Variants in GRHL2 observed in about 807,000 individuals in gnomAD.
GRHL2 encodes grainyhead-like protein 2 homolog.
Under a neutral mutation model 83.8 loss-of-function variants are expected in GRHL2, and 21 were observed. The ratio of observed to expected loss-of-function variants is 0.25; its 90% CI spans 0.18 to 0.36. The LOEUF is 0.36. GRHL2 is among the 10% of genes least tolerant of loss of function. GRHL2 has a pLI of 1.00. For missense variants in GRHL2, 623 were observed against 781.8 expected (o/e 0.80, Z 2.42); for synonymous variants, 280 against 278.9 (o/e 1.00, Z -0.04).
chr8:101,661,611 T>C (rs1813924259), intron 14 of GRHL2, among the ~76,000 whole-genome samples: 1 of 152,232 alleles, frequency 6.6e-6, no homozygotes, highest in African/African-American at 2.4e-5. Flanking sequence ...CATTGTACTT[T>C]TATTTTTCAT....
rs2129937271 is a variant in GRHL2, at chr8:101,492,748, G to C, written c.-22G>C. 6.2e-7 allele frequency: 1 copy of C among 1,613,008 alleles called. No individual in the cohort carries two copies. Among genetic ancestry groups the C allele is most frequent in the East Asian group, 2.2e-5 (1 of 44,870 alleles). ...AGAGGCTGAGGCTCCAGGAAAAGCG[G>C]AGCAAGTTCATTGGATCAAACATGT... On this transcript the variant is annotated 5_prime_UTR_variant, in exon 1 of 16. Coordinates refer to ENST00000646743, the MANE Select transcript of GRHL2 (RefSeq NM_024915.4).
intron 6 of GRHL2, among the ~76,000 whole-genome samples, chr8:101,574,187 G>T (rs900212062): frequency 1.3e-5 from 2 of 152,192 alleles, no homozygotes; most frequent in Admixed American, 6.5e-5. Context: ...AAAGAGCTTT[G>T]TTCTATTCTG....
intron 11 of GRHL2, among the ~76,000 whole-genome samples, chr8:101,634,421 G>A (rs1813246122): frequency 6.6e-6 from 1 of 152,174 alleles, no homozygotes; most frequent in Admixed American, 6.5e-5. Context: ...TCCAAAGACA[G>A]GAGGGAAGAG....
At chr8:101,664,647 C>T in intron 15 of GRHL2, 129 bp downstream of exon 15, 2 of 691,782 alleles carry the variant, frequency 2.9e-6, no homozygotes, top group Non-Finnish European at 5.2e-6. Context: ...GTCCTTCTTC[C>T]AGAGAATTGC....
intron 8 of GRHL2, 81 bp from the exon 9 acceptor site, chr8:101,619,458 G>T: frequency 7.8e-6 from 10 of 1,277,330 alleles, no homozygotes; most frequent in Non-Finnish European, 4.5e-6. Flanking sequence ...TTAGTATTTT[G>T]ACTTAAAGTC....
rs184397441 is a variant in GRHL2 at position 101,614,070 on chromosome 8, A to G, written c.1099-5469A>G. Among the ~76,000 whole-genome samples, 184 of 151,196 alleles carry G rather than the reference A, an allele frequency of 1.2e-3. 1 individual carries two copies. Among genetic ancestry groups the G allele is most frequent in the East Asian group, 2.9e-3 (15 of 5,190 alleles). On this transcript the variant is annotated intron_variant, in intron 8 of 15. Coordinates refer to ENST00000646743, the MANE Select transcript of GRHL2 (RefSeq NM_024915.4). The stretch of plus-strand genomic sequence containing the variant: ...TCAGAAAAAGCTTTAGGAGTTAATA[A>G]TCAAGTTAATGTAGCAATTCTAAAG...
chr8:101,658,717 A>G (rs957160313), intron 14 of GRHL2, among the ~76,000 whole-genome samples: 1 of 152,234 alleles, frequency 6.6e-6, no homozygotes, highest in African/African-American at 2.4e-5. Flanking sequence ...AACAGGGGGA[A>G]CTAACAGATA....
At chr8:101,594,183 T>TCA (rs1423825202) in intron 7 of GRHL2, among the ~76,000 whole-genome samples, 3 of 144,982 alleles carry the variant, frequency 2.1e-5, no homozygotes, top group Non-Finnish European at 1.5e-5. Context: ...GAGATCGGAG[T>TCA]CACACACCGC....
intron 1 of GRHL2, among the ~76,000 whole-genome samples, chr8:101,532,432 C>A (rs1810947047): frequency 6.6e-6 from 1 of 152,062 alleles, no homozygotes; most frequent in Admixed American, 6.6e-5. Flanking sequence ...CTCAAGTGCT[C>A]AAGACTCAGA....
chr8:101,597,314 C>A (rs561596872), intron 7 of GRHL2, among the ~76,000 whole-genome samples: 3 of 152,066 alleles, frequency 2.0e-5, no homozygotes, highest in Non-Finnish European at 4.4e-5. Context: ...TAAACTGTGG[C>A]GACAGTCCCT....
At chr8:101,526,794 C>T (rs1365019937) in intron 1 of GRHL2, among the ~76,000 whole-genome samples, 1 of 152,134 alleles carries the variant, frequency 6.6e-6, no homozygotes, top group Non-Finnish European at 1.5e-5. Context: ...TTTCGGTATG[C>T]AGTCAAAGTG....
At chr8:101,657,709 G>A (rs1422331958) in intron 14 of GRHL2, among the ~76,000 whole-genome samples, 1 of 151,750 alleles carries the variant, frequency 6.6e-6, no homozygotes, top group Admixed American at 6.6e-5. Context: ...GTGTGGTGGC[G>A]GGCGCCTATA....
At chr8:101,581,009 T>TA (rs1812042049) in intron 7 of GRHL2, among the ~76,000 whole-genome samples, 1 of 152,210 alleles carries the variant, frequency 6.6e-6, no homozygotes, top group African/African-American at 2.4e-5. Context: ...CACCATTTTT[T>TA]AAAAAACAAT....
chr8:101,545,012 CAGG>C (rs1343827187), intron 2 of GRHL2, among the ~76,000 whole-genome samples: 3 of 152,158 alleles, frequency 2.0e-5, no homozygotes, highest in Non-Finnish European at 4.4e-5. Context: ...TTAAAACACT[CAGG>C]AGGGATTCCT....
intron 8 of GRHL2, among the ~76,000 whole-genome samples, chr8:101,613,909 C>T (rs1254543809): frequency 6.6e-6 from 1 of 150,824 alleles, no homozygotes. Context: ...TAAAAAGAAA[C>T]ATCTTAAAAG....
intron 1 of GRHL2, 114 bp from the exon 2 acceptor site, chr8:101,543,127 C>T (rs1486219360): frequency 3.5e-6 from 3 of 848,040 alleles, no homozygotes; most frequent in African/African-American, 1.7e-5. Flanking sequence ...CTTCCTTCTC[C>T]CCCATTCTGG....
intron 9 of GRHL2, among the ~76,000 whole-genome samples, chr8:101,628,466 C>A (rs576763948): frequency 1.2e-4 from 18 of 152,178 alleles, no homozygotes; most frequent in African/African-American, 4.3e-4. Flanking sequence ...CCCAAGAGCT[C>A]TGATGGGGAT....
chr8:101,509,568 A>G (rs1202866723), intron 1 of GRHL2, among the ~76,000 whole-genome samples: 24 of 152,078 alleles, frequency 1.6e-4, no homozygotes, highest in Non-Finnish European at 2.9e-5. Context: ...TTTAATCAGG[A>G]GCTCATTATC....
chr8:101,644,190 C>A lies in GRHL2; in HGVS notation c.1577C>A (p.Pro526His). The A allele has an allele frequency of 6.2e-7, 1 of 1,614,146 alleles. No individual in the cohort carries two copies. Among genetic ancestry groups the A allele is most frequent in the Non-Finnish European group, 8.5e-7 (1 of 1,179,994 alleles). The change falls in exon 13 of 16, where the codon CCT becomes CAT. Residue 526 changes from proline (P) to histidine (H), a missense_variant. Physicochemically the swap from Pro to His is moderately conservative, Grantham distance 77. Around this residue, in one of 8 missense-constraint regions of GRHL2, gnomAD observed 210 missense variants for 254.8 expected, o/e 0.82. Coordinates refer to ENST00000646743, the MANE Select transcript of GRHL2 (RefSeq NM_024915.4). Reference sequence around the variant, plus strand: ...ATGGAAGAGGAGTTTGGTCCAGTGCCTTCAAAGCAGATGAAAGAAGAAGGG... The same window carrying A: ...ATGGAAGAGGAGTTTGGTCCAGTGCATTCAAAGCAGATGAAAGAAGAAGGG... ...RPMEEEFGPVPSKQMKEEGTK... is the reference protein window; with the variant it reads ...RPMEEEFGPVHSKQMKEEGTK...
Sources: allele counts gnomAD v4.1 joint callset (sites outside exome capture counted in the v4.1 genomes callset), GRCh38; gene constraint gnomAD v4.1.1; regional missense constraint gnomAD v4.1.1; transcripts MANE v1.5; gene names NCBI Gene and HGNC (gene_info 2026-07-23, HGNC 2026-07-21).